GSK3B: variants seen among roughly 807,000 people sequenced by gnomAD.
GSK3B encodes glycogen synthase kinase 3 beta, also known as glycogen synthase kinase-3 beta.
In GSK3B, 15 loss-of-function variants were observed where a neutral mutation model predicts 56.4. The observed-to-expected ratio is 0.27, with a 90% CI of 0.18 to 0.41. GSK3B has a LOEUF of 0.41. GSK3B is among the 10% of genes least tolerant of loss of function. The pLI is 1.00. For synonymous variants in GSK3B, 181 were observed against 188.9 expected (o/e 0.96, Z 0.34); for missense variants, 300 against 513.4 (o/e 0.58, Z 4.02).
intron 3 of GSK3B, among the ~76,000 whole-genome samples, chr3:119,934,640 A>T (rs2056977197): frequency 6.6e-6 from 1 of 152,222 alleles, no homozygotes; most frequent in Non-Finnish European, 1.5e-5. Context: ...ATCTGAATAA[A>T]CTATAATAAT....
intron 1 of GSK3B, among the ~76,000 whole-genome samples, chr3:120,074,244 G>A (rs979482288): frequency 6.6e-6 from 1 of 151,380 alleles, no homozygotes; most frequent in African/African-American, 2.4e-5. Context: ...AGACTGCAGT[G>A]AATGTACATC....
At chr3:119,936,106 A>C (rs1244261868) in intron 3 of GSK3B, among the ~76,000 whole-genome samples, 1 of 151,868 alleles carries the variant, frequency 6.6e-6, no homozygotes, top group African/African-American at 2.4e-5. Context: ...TCTATGAAAA[A>C]CCCAAGACTA....
At chr3:119,852,061 T>C (rs1410065642) in intron 9 of GSK3B, among the ~76,000 whole-genome samples, 1 of 152,242 alleles carries the variant, frequency 6.6e-6, no homozygotes, top group African/African-American at 2.4e-5. Flanking sequence ...CTGACCATGT[T>C]CCTAATGCTA....
At chr3:120,015,390 C>A (rs1052150472) in intron 1 of GSK3B, among the ~76,000 whole-genome samples, 5 of 152,120 alleles carry the variant, frequency 3.3e-5, no homozygotes, top group African/African-American at 1.2e-4. Flanking sequence ...GTGGCTCACG[C>A]CTGTAATCCC....
chr3:120,002,424 C>T lies in GSK3B; in HGVS notation c.89-185G>A, dbSNP rs146280380. On this transcript the variant is annotated intron_variant, in intron 1 of 10. Coordinates refer to ENST00000264235, the MANE Select transcript of GSK3B (RefSeq NM_001146156.2). ...CACAATCTCGGCTCACTGCAACCTC[C>T]GTCTGCCGGGTTCAATCAATTCTCC... 0.034 allele frequency among the ~76,000 whole-genome samples: 5,236 copies of T among 152,016 alleles called. 326 individuals carry two copies. The highest frequency in any genetic ancestry group is 0.12 in the African/African-American group (4,958 of 41,416).
At chr3:119,854,615 C>T (rs2108023482) in intron 9 of GSK3B, among the ~76,000 whole-genome samples, 2 of 152,272 alleles carry the variant, frequency 1.3e-5, no homozygotes, top group South Asian at 4.2e-4. Flanking sequence ...TTGGTCTATT[C>T]AGGGATTCAA....
chr3:120,007,688 G>A (rs866578553), intron 1 of GSK3B, among the ~76,000 whole-genome samples: 1 of 152,284 alleles, frequency 6.6e-6, no homozygotes, highest in Middle Eastern at 3.4e-3. Flanking sequence ...CTCAATAGAT[G>A]CAGAAAAGGC....
At chr3:119,941,665 C>T (rs910414183) in intron 3 of GSK3B, among the ~76,000 whole-genome samples, 4 of 152,120 alleles carry the variant, frequency 2.6e-5, no homozygotes, top group Admixed American at 6.5e-5. Flanking sequence ...TATATATTTG[C>T]TATTAATAAA....
chr3:119,888,588 T>A (rs1464732152), intron 7 of GSK3B, among the ~76,000 whole-genome samples: 1 of 152,050 alleles, frequency 6.6e-6, no homozygotes, highest in Non-Finnish European at 1.5e-5. Flanking sequence ...CACGTGTGTT[T>A]GAACAATATG....
chr3:119,954,242 T>C (rs1450603827), intron 2 of GSK3B, among the ~76,000 whole-genome samples: 1 of 94,246 alleles, frequency 1.1e-5, no homozygotes. Context: ...TAGAATAGAA[T>C]AGAATAGAAT....
At chr3:119,842,583 C>G (rs1012618822) in intron 10 of GSK3B, among the ~76,000 whole-genome samples, 3 of 152,004 alleles carry the variant, frequency 2.0e-5, no homozygotes, top group African/African-American at 7.2e-5. Context: ...ATTTGATTTC[C>G]TATTGAAATT....
At chr3:119,996,032 C>T (rs2057614299) in intron 2 of GSK3B, among the ~76,000 whole-genome samples, 1 of 152,244 alleles carries the variant, frequency 6.6e-6, no homozygotes, top group African/African-American at 2.4e-5. Flanking sequence ...GCCACCACTC[C>T]TGGCCTAAGC....
chr3:119,979,845 T>C (rs2057443340), intron 2 of GSK3B, among the ~76,000 whole-genome samples: 1 of 152,202 alleles, frequency 6.6e-6, no homozygotes, highest in South Asian at 2.1e-4. Flanking sequence ...AACCGTGGAA[T>C]TAGAGGTAAA....
intron 1 of GSK3B, among the ~76,000 whole-genome samples, chr3:120,050,119 C>T (rs191147785): frequency 1.4e-3 from 216 of 152,212 alleles, no homozygotes; most frequent in Middle Eastern, 0.01. Flanking sequence ...AAAAATCTGG[C>T]GGCATCCTGG....
chr3:120,007,430 T>C (rs1004887284), intron 1 of GSK3B, among the ~76,000 whole-genome samples: 1 of 152,056 alleles, frequency 6.6e-6, no homozygotes, highest in African/African-American at 2.4e-5. Context: ...ATCATCCTGA[T>C]ACCAAATGAT....
chr3:120,004,629 A>G lies in GSK3B; in HGVS notation c.89-2390T>C, dbSNP rs532375310. Among the ~76,000 whole-genome samples, 82 of 152,310 alleles carry G rather than the reference A, an allele frequency of 5.4e-4. 2 individuals carry two copies. The South Asian group carries it at 0.017, about 31-fold the overall frequency. ...GCCTCCTCTGGTGATACCCAGGCAA[A>G]CAGGGTCTGGAGTGGACCTCTAGCA... On this transcript the variant is annotated intron_variant, in intron 1 of 10. Transcript: ENST00000264235.
At chr3:120,061,447 A>C (rs2058235857) in intron 1 of GSK3B, among the ~76,000 whole-genome samples, 1 of 152,224 alleles carries the variant, frequency 6.6e-6, no homozygotes, top group African/African-American at 2.4e-5. Flanking sequence ...CACTATTATC[A>C]ATTTATTTCA....
chr3:120,090,148 A>G (rs904791510), intron 1 of GSK3B, among the ~76,000 whole-genome samples: 6 of 152,094 alleles, frequency 3.9e-5, no homozygotes, highest in African/African-American at 1.4e-4. Context: ...TTTAGTCCCA[A>G]AAGTATTTTC....
At chr3:119,950,593 T>C (rs2057147928) in intron 2 of GSK3B, among the ~76,000 whole-genome samples, 1 of 152,132 alleles carries the variant, frequency 6.6e-6, no homozygotes, top group African/African-American at 2.4e-5. Flanking sequence ...AAAGTGGGTG[T>C]AGGGGACACA....
Sources: gnomAD v4.1 joint callset for allele counts (sites outside exome capture counted in the v4.1 genomes callset) on GRCh38, gnomAD v4.1.1 for gene constraint, MANE v1.5 for transcripts, NCBI Gene and HGNC (gene_info 2026-07-23, HGNC 2026-07-21) for gene names.